Variants in TMEM196 observed in about 807,000 individuals in gnomAD.
TMEM196 encodes transmembrane protein 196.
A neutral mutation model predicts 20.0 loss-of-function variants in TMEM196; 17 were observed. The observed-to-expected ratio is 0.85, with a 90% CI of 0.58 to 1.27. The LOEUF is 1.27. Among genes scored for constraint, TMEM196 ranks in the 50% most tolerant of loss-of-function variants. The pLI, the probability that TMEM196 is intolerant of heterozygous loss-of-function variation, is 0.00. For missense variants in TMEM196, 267 were observed against 223.0 expected (o/e 1.20, Z -1.26); for synonymous variants, 113 against 88.9 (o/e 1.27, Z -1.52).
At chr7:19,764,317 C>G (rs1389728774) in intron 1 of TMEM196, among the ~76,000 whole-genome samples, 1 of 152,172 alleles carries the variant, frequency 6.6e-6, no homozygotes, top group African/African-American at 2.4e-5. Flanking sequence ...CTCTCCAAGC[C>G]TAGCAGGGTA....
intron 1 of TMEM196, among the ~76,000 whole-genome samples, chr7:19,771,197 C>T (rs1785864523): frequency 2.0e-5 from 3 of 152,054 alleles, no homozygotes; most frequent in Admixed American, 6.5e-5. Flanking sequence ...TATCTTTATC[C>T]TTTCAAACTC....
chr7:19,758,288 C>T (rs1356155459), intron 1 of TMEM196, among the ~76,000 whole-genome samples: 1 of 152,108 alleles, frequency 6.6e-6, no homozygotes. Context: ...GAAAAGATGC[C>T]AAAATTGGTG....
At chr7:19,749,048 T>C (rs1408012859) in intron 1 of TMEM196, among the ~76,000 whole-genome samples, 1 of 152,210 alleles carries the variant, frequency 6.6e-6, no homozygotes, top group African/African-American at 2.4e-5. Flanking sequence ...TTATTGGCAA[T>C]TTTAATGTCA....
At chr7:19,728,760 C>G (rs1453857224) in intron 2 of TMEM196, among the ~76,000 whole-genome samples, 1 of 152,214 alleles carries the variant, frequency 6.6e-6, no homozygotes, top group Non-Finnish European at 1.5e-5. Flanking sequence ...GGAATCCACA[C>G]TTCAGCATGC....
chr7:19,727,476 T>C (rs1188374730), intron 2 of TMEM196, among the ~76,000 whole-genome samples: 1 of 152,208 alleles, frequency 6.6e-6, no homozygotes, highest in East Asian at 1.9e-4. Flanking sequence ...TAAAATCTTT[T>C]TATACTTGAT....
intron 1 of TMEM196, among the ~76,000 whole-genome samples, chr7:19,763,384 C>A (rs1323262418): frequency 2.0e-5 from 3 of 152,070 alleles, no homozygotes; most frequent in Non-Finnish European, 4.4e-5. Context: ...AAAAAGAAGG[C>A]AACTAAGAAT....
At chr7:19,735,539 C>G (rs1398496095) in intron 1 of TMEM196, among the ~76,000 whole-genome samples, 1 of 151,930 alleles carries the variant, frequency 6.6e-6, no homozygotes, top group African/African-American at 2.4e-5. Flanking sequence ...CTTTTCTGTA[C>G]AAGAAAGTTT....
intron 1 of TMEM196, among the ~76,000 whole-genome samples, chr7:19,733,760 C>A (rs1461236615): frequency 6.6e-6 from 1 of 151,966 alleles, no homozygotes; most frequent in Non-Finnish European, 1.5e-5. Flanking sequence ...GGAGAAGAGG[C>A]AGGAGCCTCT....
At chr7:19,756,437 G>A (rs1583452088) in intron 1 of TMEM196, among the ~76,000 whole-genome samples, 1 of 151,810 alleles carries the variant, frequency 6.6e-6, no homozygotes. Context: ...TTGTGTCATG[G>A]TGGTTTGTGG....
rs1783771766 is a variant in TMEM196 at position 19,720,295 on chromosome 7, G to C, written c.*1833C>G. 6.6e-6 allele frequency: 1 copy of C among 152,004 alleles called. No individual in the cohort carries two copies. The highest frequency in any genetic ancestry group is 2.4e-5 in the African/African-American group (1 of 41,432). 9.4% of individuals were successfully genotyped at this position (152,004 alleles called of 1,614,324 possible). A position where few individuals can be genotyped will look rare whatever the true frequency, so the allele number is the denominator to read the frequency against. On this transcript the variant is annotated 3_prime_UTR_variant, in exon 5 of 5. Coordinates refer to ENST00000405844, the MANE Select transcript of TMEM196 (RefSeq NM_001363562.2). ...AGTTATTTCTGTTGAATAGATGACA[G>C]CCAGAATTTTAAGTGAGCTGATTTA...
intron 4 of TMEM196, among the ~76,000 whole-genome samples, chr7:19,723,660 G>C (rs1783887102): frequency 1.3e-5 from 2 of 152,148 alleles, no homozygotes; most frequent in Non-Finnish European, 2.9e-5. Flanking sequence ...CTGGACCAAT[G>C]TGACTATTTG....
intron 2 of TMEM196, among the ~76,000 whole-genome samples, chr7:19,727,482 T>G (rs1039703132): frequency 1.3e-5 from 2 of 152,202 alleles, no homozygotes; most frequent in Non-Finnish European, 2.9e-5. Context: ...CTTTTTATAC[T>G]TGATTAAATA....
chr7:19,722,033 T>C lies in TMEM196; in HGVS notation c.*95A>G. 1 of 1,541,978 alleles carries C rather than the reference T, an allele frequency of 6.5e-7. No individual in the cohort carries two copies. The highest frequency in any genetic ancestry group is 8.9e-7 in the Non-Finnish European group (1 of 1,120,044). ...TCTAGTCCTTTGGTGTCTCATTGCC[T>C]CATGAAAATCCTAAAAAGTGTTCAA... On this transcript the variant is annotated 3_prime_UTR_variant, in exon 5 of 5. Transcript: ENST00000405844.
At chr7:19,771,662 C>T (rs1279532411) in intron 1 of TMEM196, among the ~76,000 whole-genome samples, 1 of 152,108 alleles carries the variant, frequency 6.6e-6, no homozygotes, top group Non-Finnish European at 1.5e-5. Flanking sequence ...AAGGAAAAAA[C>T]TGGTTTTCAC....
At chr7:19,747,405 T>C (rs1784799306) in intron 1 of TMEM196, among the ~76,000 whole-genome samples, 1 of 152,206 alleles carries the variant, frequency 6.6e-6, no homozygotes, top group Non-Finnish European at 1.5e-5. Context: ...GAACTAAATA[T>C]GTATTTAGGT....
chr7:19,729,123 A>G (rs560482442), intron 2 of TMEM196, among the ~76,000 whole-genome samples: 1 of 152,204 alleles, frequency 6.6e-6, no homozygotes, highest in African/African-American at 2.4e-5. Flanking sequence ...CATCCGTAGC[A>G]GTCATTAAAG....
chr7:19,754,689 C>T (rs1467473248), intron 1 of TMEM196, among the ~76,000 whole-genome samples: 3 of 151,988 alleles, frequency 2.0e-5, no homozygotes, highest in Non-Finnish European at 4.4e-5. Flanking sequence ...AAAAGTTCTG[C>T]AATTCAGAAC....
chr7:19,771,472 G>A (rs922516892), intron 1 of TMEM196, among the ~76,000 whole-genome samples: 1 of 152,050 alleles, frequency 6.6e-6, no homozygotes, highest in Non-Finnish European at 1.5e-5. Context: ...AATTACTTTT[G>A]AATAATTTTT....
At chr7:19,730,846 G>A (rs909908665) in intron 1 of TMEM196, among the ~76,000 whole-genome samples, 3 of 152,088 alleles carry the variant, frequency 2.0e-5, no homozygotes, top group Non-Finnish European at 4.4e-5. Context: ...AGGGAACACA[G>A]AATATATAAG....
Sources: allele counts gnomAD v4.1 joint callset (sites outside exome capture counted in the v4.1 genomes callset), GRCh38; gene constraint gnomAD v4.1.1; transcripts MANE v1.5; gene names NCBI Gene and HGNC (gene_info 2026-07-23, HGNC 2026-07-21).